Variants in SUPV3L1 observed in about 807,000 individuals in gnomAD.
SUPV3L1 encodes the protein ATP-dependent RNA helicase SUPV3L1, mitochondrial.
In SUPV3L1, 35 loss-of-function variants were observed where a neutral mutation model predicts 70.0. The ratio of observed to expected loss-of-function variants is 0.50; its 90% confidence interval spans 0.38 to 0.66. SUPV3L1 has a LOEUF of 0.66. Ranked by LOEUF, SUPV3L1 falls within the 30% of genes least tolerant of loss-of-function variation. SUPV3L1 has a pLI of 0.00. For missense variants in SUPV3L1, 777 were observed against 961.5 expected (o/e 0.81, Z 2.54); for synonymous variants, 364 against 341.9 (o/e 1.06, Z -0.71).
At chr10:69,194,540 C>A (rs911086944) in intron 6 of SUPV3L1, among the ~76,000 whole-genome samples, 1 of 151,804 alleles carries the variant, frequency 6.6e-6, no homozygotes, top group Non-Finnish European at 1.5e-5. Flanking sequence ...TTAGTGGAGA[C>A]GGGGTTTCAC....
chr10:69,206,837 T>A (rs1211365816), intron 13 of SUPV3L1, among the ~76,000 whole-genome samples: 2 of 152,164 alleles, frequency 1.3e-5, no homozygotes, highest in Non-Finnish European at 2.9e-5. Flanking sequence ...TGAAACCCCG[T>A]CTGCACTAAA....
chr10:69,203,008 A>G lies in SUPV3L1; in HGVS notation c.1741A>G (p.Lys581Glu). Residue 581 changes from lysine to glutamate, a missense_variant, in exon 13 of 15, where the codon AAG becomes GAG. Lys to Glu is a moderately conservative substitution (Grantham distance 56). Transcript: ENST00000359655. ...RYVFCTAPIN[K>E]KQPFVCSSLL... ...TGTTTTCTGCACAGCTCCTATCAAC[A>G]AGAAGCAGCCTTTTGTGTGTTCTTC... 1.9e-6 allele frequency: 3 copies of G among 1,613,902 alleles called. No homozygotes were observed. Among genetic ancestry groups the G allele is most frequent in the Non-Finnish European group, 2.5e-6 (3 of 1,179,894 alleles).
intron 4 of SUPV3L1, among the ~76,000 whole-genome samples, chr10:69,188,024 C>G (rs958278065): frequency 2.6e-5 from 4 of 152,096 alleles, no homozygotes; most frequent in Non-Finnish European, 2.9e-5. Flanking sequence ...TAAGCTATGG[C>G]CTTCCTGGTG....
intron 14 of SUPV3L1, 28 bp from the exon 15 acceptor site, chr10:69,208,572 C>T (rs1842897084): frequency 6.3e-7 from 1 of 1,594,632 alleles, no homozygotes; most frequent in Admixed American, 1.7e-5. Flanking sequence ...AGAGCTGTTG[C>T]TATAATGCTA....
Position 69,207,809 on chromosome 10 carries a change from G to A in SUPV3L1, c.1793G>A (p.Ser598Asn). Residue 598 changes from serine to asparagine, a missense_variant, in exon 14 of 15, where the codon AGC (serine) becomes AAC (asparagine). Physicochemically the swap from Ser to Asn is conservative, Grantham distance 46 (BLOSUM62 1). Transcript: ENST00000359655. ...SSLLQFARQY[S>N]RNEPLTFAWL... ...CTCTCTCAGTTTGCCAGGCAGTATA[G>A]CAGGAATGAGCCCCTGACCTTTGCA... The A allele has an allele frequency of 6.2e-7, 1 of 1,613,790 alleles. No homozygotes were observed. The highest frequency in any genetic ancestry group is 8.5e-7 in the Non-Finnish European group (1 of 1,179,874).
rs531105580 is a variant in SUPV3L1, at chr10:69,202,497, A to C, written c.1577A>C (p.Asp526Ala). The stretch of plus-strand genomic sequence containing the variant: ...GAAATGTTTGCCTACCATCTCCCTG[A>C]TGCAACACTGTCCAATCTCATTGTA... ...QIEMFAYHLP[D>A]ATLSNLIDIF... Residue 526 changes from aspartate to alanine, a missense_variant, in exon 12 of 15, where the codon GAT becomes GCT. Asp to Ala is a moderately radical substitution (Grantham distance 126, BLOSUM62 -2). Around this residue, in one of 2 missense-constraint regions of SUPV3L1, gnomAD observed 619 missense variants for 823.3 expected, o/e 0.75. Coordinates refer to ENST00000359655, the MANE Select transcript of SUPV3L1 (RefSeq NM_003171.5). 1.2e-6 allele frequency: 2 copies of C among 1,613,630 alleles called. No homozygotes were observed. Among genetic ancestry groups the C allele is most frequent in the Admixed American group, 3.3e-5 (2 of 59,986 alleles).
chr10:69,202,602 G>T, intron 12 of SUPV3L1, 83 bp downstream of exon 12: 1 of 1,321,708 alleles, frequency 7.6e-7, no homozygotes, highest in South Asian at 1.3e-5. Flanking sequence ...AGCATGAATG[G>T]ATAGTCTGCC....
intron 6 of SUPV3L1, among the ~76,000 whole-genome samples, chr10:69,193,420 G>A (rs1423464411): frequency 1.3e-5 from 2 of 149,584 alleles, no homozygotes; most frequent in African/African-American, 4.9e-5. Flanking sequence ...TTCTCTTCTA[G>A]TCTTGTTTGT....
chr10:69,199,125 A>C lies in SUPV3L1; in HGVS notation c.1226A>C (p.Lys409Thr). The C allele has an allele frequency of 6.2e-7, 1 of 1,612,144 alleles. No individual in the cohort carries two copies. The highest frequency in any genetic ancestry group is 1.1e-5 in the South Asian group (1 of 90,396). Residue 409 changes from lysine to threonine, a missense_variant, in exon 10 of 15, where the codon AAA (lysine) becomes ACA (threonine). By Grantham distance (78) the Lys-to-Thr change is moderately conservative. Coordinates refer to ENST00000359655, the MANE Select transcript of SUPV3L1 (RefSeq NM_003171.5). Reference sequence around the variant, plus strand: ...TTAGGGACCAAACTTGCTCAAGCAAAAAAGTTTAATGATCCCAATGACCCA... The same window carrying C: ...TTAGGGACCAAACTTGCTCAAGCAACAAAGTTTAATGATCCCAATGACCCA... ...LPPGTKLAQA[K>T]KFNDPNDPCK... is the part of the protein sequence containing the mutation.
At chr10:69,185,779 C>T (rs1240760177) in intron 1 of SUPV3L1, among the ~76,000 whole-genome samples, 6 of 152,118 alleles carry the variant, frequency 3.9e-5, no homozygotes, top group African/African-American at 9.7e-5. Flanking sequence ...GGATTACAGG[C>T]GTGAGCCACC....
chr10:69,187,476 C>T, intron 3 of SUPV3L1, 166 bp from the exon 4 acceptor site: 1 of 447,894 alleles, frequency 2.2e-6, no homozygotes. Flanking sequence ...GGTCAGCTTT[C>T]CAAAGTGGTG....
At chr10:69,189,166 C>T (rs2132275258) in intron 4 of SUPV3L1, 101 bp from the exon 5 acceptor site, 1 of 1,272,634 alleles carries the variant, frequency 7.9e-7, no homozygotes, top group Non-Finnish European at 1.1e-6. Context: ...ATCTTGTGAA[C>T]ATTAAGAGGA....
Position 69,180,570 on chromosome 10 carries a change from C to A in SUPV3L1, c.271+8C>A, listed in dbSNP as rs766096297. ...CCCGGCCTCTGGACAAGAGTGAGTGCGGGAACTACTGAGGGCGGCAGAGGG... is the reference window on the plus strand; with the variant it reads ...CCCGGCCTCTGGACAAGAGTGAGTGAGGGAACTACTGAGGGCGGCAGAGGG... On this transcript the variant is annotated splice_region_variant and intron_variant, in intron 1 of 14. Coordinates refer to ENST00000359655, the MANE Select transcript of SUPV3L1 (RefSeq NM_003171.5). 2 of 1,613,030 alleles carry A rather than the reference C, an allele frequency of 1.2e-6. No homozygotes were observed. Among genetic ancestry groups the A allele is most frequent in the Non-Finnish European group, 1.7e-6 (2 of 1,179,646 alleles).
intron 1 of SUPV3L1, among the ~76,000 whole-genome samples, chr10:69,184,996 T>C (rs1842177716): frequency 3.3e-5 from 5 of 152,186 alleles, no homozygotes; most frequent in Admixed American, 2.0e-4. Flanking sequence ...GCTTGATTAG[T>C]TTAAAATACT....
chr10:69,200,124 G>A (rs1842647282), intron 10 of SUPV3L1, among the ~76,000 whole-genome samples, 156 bp from the exon 11 acceptor site: 1 of 152,152 alleles, frequency 6.6e-6, no homozygotes, highest in African/African-American at 2.4e-5. Context: ...TGGGATTATG[G>A]GTGTGAGCCA....
intron 3 of SUPV3L1, among the ~76,000 whole-genome samples, chr10:69,186,913 A>G (rs1191789636): frequency 1.3e-5 from 2 of 152,120 alleles, no homozygotes; most frequent in Non-Finnish European, 2.9e-5. Flanking sequence ...AAGTCAAAAT[A>G]TCATAGTTTC....
intron 14 of SUPV3L1, 70 bp downstream of exon 14, chr10:69,208,011 T>A: frequency 1.3e-6 from 2 of 1,557,304 alleles, no homozygotes; most frequent in Non-Finnish European, 1.7e-6. Context: ...ATGAATTTGT[T>A]TTTCTATTTC....
intron 1 of SUPV3L1, among the ~76,000 whole-genome samples, chr10:69,183,882 CTTT>C (rs11375472): frequency 2.1e-5 from 3 of 143,914 alleles, no homozygotes; most frequent in Admixed American, 6.9e-5. Context: ...TCCCCAGTGT[CTTT>C]TTTTTTTTTT....
At chr10:69,181,800 T>C (rs779034482) in intron 1 of SUPV3L1, among the ~76,000 whole-genome samples, 2 of 152,206 alleles carry the variant, frequency 1.3e-5, no homozygotes, top group Non-Finnish European at 2.9e-5. Context: ...ACTCCTCATG[T>C]CCTAATCACC....
Sources: allele counts gnomAD v4.1 joint callset (sites outside exome capture counted in the v4.1 genomes callset), GRCh38; gene constraint gnomAD v4.1.1; regional missense constraint gnomAD v4.1.1; transcripts MANE v1.5; gene names NCBI Gene and HGNC (gene_info 2026-07-23, HGNC 2026-07-21).